Variants in BCLAF3 observed in about 807,000 individuals in gnomAD.
BCLAF3 encodes the protein transient octamer binding factor 1.
BCLAF3 carries 24 observed loss-of-function variants against 51.2 expected under a neutral mutation model. The ratio of observed to expected loss-of-function variants is 0.47; its 90% CI spans 0.34 to 0.66. The LOEUF is 0.66. BCLAF3 is among the 30% of genes least tolerant of loss of function. The probability of loss-of-function intolerance (pLI) is 0.01; values close to 1 mark genes in which losing one functional copy is unlikely to be tolerated. For missense variants in BCLAF3, 465 were observed against 525.1 expected (o/e 0.89, Z 1.12); for synonymous variants, 152 against 176.6 (o/e 0.86, Z 1.10).
intron 1 of BCLAF3, among the ~76,000 whole-genome samples, chrX:19,989,702 C>T (rs2072892330): frequency 9.0e-6 from 1 of 111,194 alleles, no homozygotes; most frequent in Non-Finnish European, 1.9e-5. Flanking sequence ...TGTATAACCA[C>T]ATTCACAATG....
At chrX:19,933,929 C>G (rs2070663835) in intron 10 of BCLAF3, among the ~76,000 whole-genome samples, 1 of 110,716 alleles carries the variant, frequency 9.0e-6, no homozygotes, top group African/African-American at 3.3e-5. Flanking sequence ...GTGCACGCCA[C>G]CATGCCCAGC....
intron 11 of BCLAF3, among the ~76,000 whole-genome samples, chrX:19,921,286 C>G (rs943850691): frequency 2.7e-5 from 3 of 111,719 alleles, no homozygotes; most frequent in Non-Finnish European, 5.6e-5. Context: ...AGCGAGAAGA[C>G]TCCAAAGCTT....
intron 8 of BCLAF3, among the ~76,000 whole-genome samples, chrX:19,948,911 A>G (rs2147872568): frequency 9.0e-6 from 1 of 111,285 alleles, no homozygotes; most frequent in East Asian, 2.8e-4. Context: ...GCTAATGGGT[A>G]GAGGGTTTAC....
chrX:19,962,426 C>G (rs1190967461), intron 4 of BCLAF3, among the ~76,000 whole-genome samples: 9 of 112,090 alleles, frequency 8.0e-5, no homozygotes, highest in Non-Finnish European at 1.5e-4. Context: ...AAGCAATTAG[C>G]CTGCCCCGGC....
chrX:19,945,564 G>T (rs1487784549), intron 8 of BCLAF3, among the ~76,000 whole-genome samples: 2 of 80,503 alleles, frequency 2.5e-5, no homozygotes, highest in East Asian at 5.8e-4. Context: ...CTGCTGGGGG[G>T]TGCCTCTCAG....
chrX:19,956,158 TAC>T (rs2071653933), intron 4 of BCLAF3, among the ~76,000 whole-genome samples: 1 of 112,271 alleles, frequency 8.9e-6, no homozygotes, highest in African/African-American at 3.2e-5. Flanking sequence ...TAACACCAGT[TAC>T]AGTGTTCACC....
At chrX:19,940,821 T>C (rs1335435374) in intron 8 of BCLAF3, among the ~76,000 whole-genome samples, 1 of 111,484 alleles carries the variant, frequency 9.0e-6, no homozygotes, top group African/African-American at 3.3e-5. Flanking sequence ...GTATTTCTAG[T>C]TCTAGATCCC....
At chrX:19,970,115 C>T in intron 2 of BCLAF3, 109 bp downstream of exon 2, 1 of 622,105 alleles carries the variant, frequency 1.6e-6, no homozygotes, top group South Asian at 2.4e-5. Context: ...TGATAAAGTA[C>T]CTACTGTGAA....
rs758289548 is a variant in BCLAF3, at chrX:19,936,023, C to CT, written c.1861-126dup. On this transcript the variant is annotated intron_variant, in intron 9 of 11. Transcript: ENST00000379682. ...AGAACACAAAGCAGGGAGCAGGGAG[C>CT]TTAGCTGTAGAGCACATACACATCT... is the stretch of plus-strand genomic sequence containing the variant. 1.3e-3 allele frequency: 692 copies of CT among 550,061 alleles called. 5 individuals carry two copies. In the African/African-American group the frequency reaches 0.014, roughly 11 times the overall value. 45.3% of individuals were successfully genotyped at this position (550,061 alleles called of 1,213,427 possible).
chrX:19,966,609 G>T lies in BCLAF3; in HGVS notation c.82C>A (p.Gln28Lys). The T allele has an allele frequency of 8.3e-7, 1 of 1,210,673 alleles. No individual in the cohort carries two copies. The highest frequency in any genetic ancestry group is 1.1e-6 in the Non-Finnish European group (1 of 895,268). The change falls in exon 3 of 12, where the codon CAA becomes AAA. Residue 28 changes from glutamine (Q) to lysine (K), a missense_variant. Gln to Lys is a moderately conservative substitution (Grantham distance 53, BLOSUM62 1). Transcript: ENST00000379682. ...PVPRNAEHYK[Q>K]RHSHGHYGCE... is the part of the protein sequence containing the mutation. ...CCATAATGCCCGTGTGAATGTCTTT[G>T]CTTGTAGTGTTCAGCATTTCTAGGT...
At chrX:19,941,209 C>T (rs1397963263) in intron 8 of BCLAF3, among the ~76,000 whole-genome samples, 1 of 108,311 alleles carries the variant, frequency 9.2e-6, no homozygotes, top group Non-Finnish European at 1.9e-5. Flanking sequence ...AACTTTCTCC[C>T]ATGTTGTAGG....
chrX:19,956,595 G>A (rs2071673855), intron 4 of BCLAF3, among the ~76,000 whole-genome samples: 1 of 111,362 alleles, frequency 9.0e-6, no homozygotes, highest in African/African-American at 3.3e-5. Context: ...ATGCATCAAT[G>A]AAAAAATTTT....
chrX:19,915,610 T>C lies in BCLAF3; in HGVS notation c.*1695A>G, dbSNP rs964439742. ...GGCGATTTACCAAGTTATATTTCTG[T>C]TTAATGTCCATTTTTCCTATTAGAC... On this transcript the variant is annotated 3_prime_UTR_variant, in exon 12 of 12. Coordinates refer to ENST00000379682, the MANE Select transcript of BCLAF3 (RefSeq NM_001367774.2). The C allele has an allele frequency of 1.8e-5, 2 of 111,831 alleles. No homozygotes were observed. Among genetic ancestry groups the C allele is most frequent in the Admixed American group, 1.9e-4 (2 of 10,475 alleles). The allele number at this position is 111,831 out of a possible 1,213,427, so 9.2% of individuals were successfully genotyped here. A position where few individuals can be genotyped will look rare whatever the true frequency, so the allele number is the denominator to read the frequency against.
At chrX:19,949,821 C>T (rs2071421153) in intron 8 of BCLAF3, among the ~76,000 whole-genome samples, 1 of 111,924 alleles carries the variant, frequency 8.9e-6, no homozygotes, top group Non-Finnish European at 1.9e-5. Context: ...TCTTTGTATT[C>T]ATACAGTCTC....
rs1313143692 is a variant in BCLAF3, at chrX:19,966,496, A to G, written c.195T>C (p.Ser65=). The change falls in exon 3 of 12, where the codon TCT becomes TCC. Residue 65 remains serine, a synonymous_variant. Coordinates refer to ENST00000379682, the MANE Select transcript of BCLAF3 (RefSeq NM_001367774.2). ...KHGQSKPRIP[S]RGNIYYQSYE... is the part of the protein sequence containing the mutation. Reference sequence around the variant, plus strand: ...AAGACTGGTAATATATATTTCCACGAGAGGGAATCCTTGGTTTACTCTGTC... The same window carrying G: ...AAGACTGGTAATATATATTTCCACGGGAGGGAATCCTTGGTTTACTCTGTC... 1 of 1,211,522 alleles carries G rather than the reference A, an allele frequency of 8.3e-7. No individual in the cohort carries two copies. The highest frequency in any genetic ancestry group is 1.1e-6 in the Non-Finnish European group (1 of 895,429).
chrX:19,989,389 G>A (rs777149473), intron 1 of BCLAF3, among the ~76,000 whole-genome samples: 8 of 111,275 alleles, frequency 7.2e-5, no homozygotes, highest in Non-Finnish European at 1.5e-4. Flanking sequence ...CCAGCTACTC[G>A]GGAGGCTGAC....
At chrX:19,933,079 G>A (rs2070626930) in intron 10 of BCLAF3, among the ~76,000 whole-genome samples, 1 of 112,000 alleles carries the variant, frequency 8.9e-6, no homozygotes, top group Admixed American at 9.5e-5. Context: ...TAGACAGGTA[G>A]GGTGTTGCTG....
intron 8 of BCLAF3, among the ~76,000 whole-genome samples, chrX:19,949,666 T>G (rs772162185): frequency 8.9e-6 from 1 of 112,547 alleles, no homozygotes; most frequent in Non-Finnish European, 1.9e-5. Flanking sequence ...CGTTTCACTA[T>G]GTTTTAATTA....
In BCLAF3 at chrX:19,963,021, G is replaced by C. The variant is rs1487291689; in HGVS notation, c.1274+2023C>G. Among the ~76,000 whole-genome samples the C allele has an allele frequency of 2.8e-5, 3 of 108,223 alleles. No homozygotes were observed. The East Asian group carries it at 8.9e-4, about 32-fold the overall frequency. The allele number at this position is 108,223 out of a possible 115,157, so 94.0% of individuals were successfully genotyped here. On this transcript the variant is annotated intron_variant, in intron 4 of 11. Transcript: ENST00000379682. ...AATCACTTGAGCCCAGGAGTTCAAG[G>C]CTGCAGTGAGCCATAATCGCGCCAC...
Sources: allele counts gnomAD v4.1 joint callset (sites outside exome capture counted in the v4.1 genomes callset), GRCh38; gene constraint gnomAD v4.1.1; transcripts MANE v1.5; gene names NCBI Gene and HGNC (gene_info 2026-07-23, HGNC 2026-07-21).